Variants in RAP1GAP2 observed in about 807,000 individuals in gnomAD.
RAP1GAP2 encodes the protein rap1 GTPase-activating protein 2.
RAP1GAP2 carries 27 observed loss-of-function variants against 95.0 expected under a neutral mutation model. The ratio of observed to expected loss-of-function variants is 0.28; its 90% confidence interval spans 0.21 to 0.39. The LOEUF (loss-of-function observed/expected upper bound fraction) is 0.39, where lower values mean the gene tolerates loss of function less well. Ranked by LOEUF, RAP1GAP2 falls within the 10% of genes least tolerant of loss-of-function variation. The probability of loss-of-function intolerance (pLI) is 1.00; values close to 1 mark genes in which losing one functional copy is unlikely to be tolerated. For missense variants in RAP1GAP2, 771 were observed against 970.0 expected, an observed-to-expected ratio of 0.79 and a Z score of 2.72; for synonymous variants, 373 against 380.9, an observed-to-expected ratio of 0.98 and a Z score of 0.24.
At chr17:2,850,850 C>G (rs1273190926) in intron 2 of RAP1GAP2, among the ~76,000 whole-genome samples, 1 of 151,846 alleles carries the variant, frequency 6.6e-6, no homozygotes, top group African/African-American at 2.4e-5. Flanking sequence ...CACCTGAGGT[C>G]AGGAGTTCGA....
At chr17:2,816,380 C>T (rs1318819945) in intron 2 of RAP1GAP2, among the ~76,000 whole-genome samples, 1 of 152,028 alleles carries the variant, frequency 6.6e-6, no homozygotes, top group African/African-American at 2.4e-5. Flanking sequence ...CTCTGTCGCC[C>T]AGGCTGAAGT....
At chr17:2,859,863 C>T (rs1016877344) in intron 2 of RAP1GAP2, among the ~76,000 whole-genome samples, 1 of 151,772 alleles carries the variant, frequency 6.6e-6, no homozygotes, top group African/African-American at 2.4e-5. Flanking sequence ...CTGCTGTCCC[C>T]TGTGTTACCT....
At chr17:2,915,761 G>A (rs1395125848) in intron 3 of RAP1GAP2, among the ~76,000 whole-genome samples, 3 of 151,992 alleles carry the variant, frequency 2.0e-5, no homozygotes, top group Non-Finnish European at 4.4e-5. Flanking sequence ...GCAGTGGCGT[G>A]ATCTCGGCTC....
At chr17:2,908,433 C>T (rs1418056986) in intron 3 of RAP1GAP2, among the ~76,000 whole-genome samples, 2 of 152,046 alleles carry the variant, frequency 1.3e-5, no homozygotes, top group African/African-American at 2.4e-5. Flanking sequence ...CGTCATATGG[C>T]GAATGCATGG....
chr17:2,908,743 C>T (rs1388183773), intron 3 of RAP1GAP2, among the ~76,000 whole-genome samples: 3 of 152,020 alleles, frequency 2.0e-5, no homozygotes, highest in Non-Finnish European at 4.4e-5. Flanking sequence ...GGGACAGGGT[C>T]GTGCGCTGTC....
At chr17:2,925,093 G>C (rs1452993252) in intron 3 of RAP1GAP2, among the ~76,000 whole-genome samples, 14 of 152,238 alleles carry the variant, frequency 9.2e-5, no homozygotes, top group Admixed American at 9.2e-4. Flanking sequence ...TGGGCTGTGG[G>C]AGACAGGAGG....
chr17:2,973,970 A>C (rs901452728), intron 8 of RAP1GAP2, among the ~76,000 whole-genome samples: 1 of 152,212 alleles, frequency 6.6e-6, no homozygotes. Flanking sequence ...TCTAATGAGA[A>C]CTAGGATGAA....
At position 2,991,395 on chromosome 17, in the gene RAP1GAP2, A is replaced by G; in HGVS notation, c.912A>G (p.Lys304=). Residue 304 remains lysine, a splice_region_variant and synonymous_variant, in exon 12 of 25, where the codon AAA becomes AAG. Coordinates refer to ENST00000254695, the MANE Select transcript of RAP1GAP2 (RefSeq NM_015085.5). The part of the protein sequence containing the change: ...LGDTITLQDF[K]GFRGGLDVTH... Reference sequence around the variant, plus strand: ...ACACGATCACACTGCAGGATTTCAAAGGGTGGGTTTTAGCCAAGTGACGGC... The same window carrying G: ...ACACGATCACACTGCAGGATTTCAAGGGGTGGGTTTTAGCCAAGTGACGGC... 1 of 1,596,754 alleles carries G rather than the reference A, an allele frequency of 6.3e-7. No individual in the cohort carries two copies. Among genetic ancestry groups the G allele is most frequent in the East Asian group, 2.2e-5 (1 of 44,514 alleles).
chr17:2,869,609 G>A (rs568141215), intron 2 of RAP1GAP2, among the ~76,000 whole-genome samples: 1 of 152,162 alleles, frequency 6.6e-6, no homozygotes, highest in Non-Finnish European at 1.5e-5. Flanking sequence ...GGAAGCAGCA[G>A]CCCTCCCTTC....
rs547840380 is a variant in RAP1GAP2, at chr17:3,008,449, C to A, written c.1494+304C>A. On this transcript the variant is annotated intron_variant, in intron 17 of 24. Transcript: ENST00000254695. The surrounding 1 kb of genome is among the most constrained non-coding windows in gnomAD (Gnocchi z 4.2). ...GGTAGCAGTAGGAGAGGAGCTGGAG[C>A]AAGCCAGGAACATCGGCGCTTTCAC... Among the ~76,000 whole-genome samples, 1 of 152,318 alleles carries A rather than the reference C, an allele frequency of 6.6e-6. No homozygotes were observed. Among genetic ancestry groups the A allele is most frequent in the African/African-American group, 2.4e-5 (1 of 41,574 alleles).
intron 2 of RAP1GAP2, among the ~76,000 whole-genome samples, chr17:2,878,782 G>C (rs1209038864): frequency 6.6e-6 from 1 of 152,220 alleles, no homozygotes; most frequent in Non-Finnish European, 1.5e-5. Flanking sequence ...TGCTGCCCAG[G>C]AGCCCCACGG....
At chr17:2,840,758 G>C (rs982097515) in intron 2 of RAP1GAP2, among the ~76,000 whole-genome samples, 1 of 152,198 alleles carries the variant, frequency 6.6e-6, no homozygotes, top group East Asian at 1.9e-4. Context: ...AGCACTTTGG[G>C]AGGCTGAAGT....
rs191446062 is a variant in RAP1GAP2, at chr17:2,905,119, G to A, written c.81-165G>A. 3.9e-5 allele frequency among the ~76,000 whole-genome samples: 6 copies of A among 152,346 alleles called. No homozygotes were observed. In the East Asian group the frequency reaches 9.7e-4, roughly 25 times the overall value. On this transcript the variant is annotated intron_variant, in intron 2 of 24. Transcript: ENST00000254695. ...GCTGGTCTTGAACTCCTGACCTCAGGTGATCCGTCTGCCTCGGCCTCCCAA... is the reference window on the plus strand; with the variant it reads ...GCTGGTCTTGAACTCCTGACCTCAGATGATCCGTCTGCCTCGGCCTCCCAA...
intron 3 of RAP1GAP2, among the ~76,000 whole-genome samples, chr17:2,925,372 C>A (rs1597624789): frequency 6.6e-6 from 1 of 151,986 alleles, no homozygotes; most frequent in Admixed American, 6.6e-5. Context: ...GCTGGGGAGG[C>A]CTCAGGAAAC....
chr17:2,953,141 T>C (rs574857850), intron 3 of RAP1GAP2, among the ~76,000 whole-genome samples: 1 of 152,158 alleles, frequency 6.6e-6, no homozygotes, highest in East Asian at 1.9e-4. Flanking sequence ...TTTTGGATAG[T>C]TTGAGGTATG....
At chr17:2,943,830 A>C (rs200468133) in intron 3 of RAP1GAP2, among the ~76,000 whole-genome samples, 1 of 152,022 alleles carries the variant, frequency 6.6e-6, no homozygotes, top group East Asian at 1.9e-4. Context: ...ATATCACCTC[A>C]GACCTGTTAG....
In RAP1GAP2 at chr17:3,030,989, C is replaced by T. The variant is rs2047272027; in HGVS notation, c.2175C>T (p.Ser725=). 2 of 1,606,606 alleles carry T rather than the reference C, an allele frequency of 1.2e-6. No individual in the cohort carries two copies. The highest frequency in any genetic ancestry group is 3.4e-5 in the Admixed American group (2 of 59,208). The change falls in exon 23 of 25, where the codon AGC becomes AGT. Residue 725 remains serine (S), a synonymous_variant. Coordinates refer to ENST00000254695, the MANE Select transcript of RAP1GAP2 (RefSeq NM_015085.5). The part of the protein sequence containing the change: ...KFRFDKLSHA[S]SGAGH The stretch of plus-strand genomic sequence containing the variant: ...GCTTTGACAAGCTCAGCCATGCCAG[C>T]TCTGGTGCGGTAAGGATGCGCCTCC...
rs1405992533 is a variant in RAP1GAP2, at chr17:2,805,839, G to A, written c.80+5289G>A. Among the ~76,000 whole-genome samples the A allele has an allele frequency of 3.3e-5, 5 of 152,270 alleles. No homozygotes were observed. In the South Asian group the frequency reaches 1.0e-3, roughly 32 times the overall value. On this transcript the variant is annotated intron_variant, in intron 2 of 24. Transcript: ENST00000254695. ...ACCGTCATGCACAGGGGCTGGCTGC[G>A]GTGGCCTGGAGTGAGCACGTGAATG...
At chr17:2,800,063 C>T in intron 1 of RAP1GAP2, 1 of 490,212 alleles carries the variant, frequency 2.0e-6, no homozygotes, top group Non-Finnish European at 2.6e-6. Context: ...CTTGCGTCTT[C>T]CCAAAGCAGA....
Sources: gnomAD v4.1 joint callset for allele counts (sites outside exome capture counted in the v4.1 genomes callset) on GRCh38, gnomAD v4.1.1 for gene constraint, Gnocchi (gnomAD v3.1) non-coding constraint, MANE v1.5 for transcripts, NCBI Gene and HGNC (gene_info 2026-07-23, HGNC 2026-07-21) for gene names.